LRP1: variants seen among roughly 807,000 people sequenced by gnomAD.
LRP1 encodes LDL receptor related protein 1.
A neutral mutation model predicts 541.5 loss-of-function variants in LRP1; 51 were observed. That is an observed-to-expected ratio of 0.09 (90% confidence interval 0.08 to 0.12). LRP1 has a LOEUF of 0.12. Ranked by LOEUF, LRP1 falls within the 10% of genes least tolerant of loss-of-function variation. The probability of loss-of-function intolerance (pLI) is 1.00; values close to 1 mark genes in which losing one functional copy is unlikely to be tolerated. For synonymous variants in LRP1, 2,219 were observed against 2,470.8 expected, an observed-to-expected ratio of 0.90 and a Z score of 3.02; for missense variants, 3,878 against 6,376.2, an observed-to-expected ratio of 0.61 and a Z score of 13.34.
In LRP1 at chr12:57,212,475, C is replaced by T; in HGVS notation, c.13555C>T (p.His4519Tyr). The change falls in exon 89 of 89, where the codon CAC becomes TAC. Residue 4519 changes from histidine (H) to tyrosine (Y), a missense_variant. His to Tyr is a moderately conservative substitution (Grantham distance 83, BLOSUM62 2). Transcript: ENST00000243077. This position sits in a 1 kb window ranked among gnomAD's most constrained non-coding sequence, Gnocchi z 5.0. ...CTACATGGGGGGCCATGGCAGTCGC[C>T]ACTCCCTGGCCAGCACGGACGAGAA... is the stretch of plus-strand genomic sequence containing the variant. ...TLYMGGHGSRHSLASTDEKRE... is the reference protein window; with the variant it reads ...TLYMGGHGSRYSLASTDEKRE... The T allele has an allele frequency of 6.2e-7, 1 of 1,614,110 alleles. No individual in the cohort carries two copies. Among genetic ancestry groups the T allele is most frequent in the East Asian group, 2.2e-5 (1 of 44,866 alleles).
At chr12:57,200,584 C>T in intron 63 of LRP1, 49 bp downstream of exon 63, 1 of 1,574,720 alleles carries the variant, frequency 6.4e-7, no homozygotes, top group Non-Finnish European at 8.7e-7. Flanking sequence ...GTGTCGGAGG[C>T]CTGACTCCTG....
rs189253682 is a variant in LRP1, at chr12:57,178,812, C to T, written c.4607-78C>T. ...GCTGGAACAGGGGGAGGAGAGTGGG[C>T]GAGGAAGGGGTGGTCCATGTAGGGA... On this transcript the variant is annotated intron_variant, in intron 27 of 88. Transcript: ENST00000243077. The surrounding 1 kb of genome is among the most constrained non-coding windows in gnomAD (Gnocchi z 5.8). 6.6e-5 allele frequency: 101 copies of T among 1,541,776 alleles called. No homozygotes were observed. Among genetic ancestry groups the T allele is most frequent in the Admixed American group, 4.5e-4 (24 of 53,180 alleles).
chr12:57,134,150 T>C (rs1341039181), intron 1 of LRP1, among the ~76,000 whole-genome samples: 1 of 152,190 alleles, frequency 6.6e-6, no homozygotes, highest in Admixed American at 6.5e-5. Context: ...TGGGGCAGGG[T>C]GTTGGCCAAG....
chr12:57,142,844 TG>T (rs781555697), intron 3 of LRP1, among the ~76,000 whole-genome samples: 48 of 152,266 alleles, frequency 3.2e-4, no homozygotes, highest in Non-Finnish European at 5.6e-4. Flanking sequence ...CGCTGGGGCC[TG>T]GCCCCCCATC....
chr12:57,175,816 G>A, intron 23 of LRP1, 93 bp from the exon 24 acceptor site: 1 of 1,569,574 alleles, frequency 6.4e-7, no homozygotes, highest in Non-Finnish European at 8.6e-7. Context: ...CTAGCCCCCA[G>A]TGCCCGGACC....
chr12:57,187,170 A>G (rs2036285956), intron 41 of LRP1, 97 bp from the exon 42 acceptor site: 1 of 1,305,090 alleles, frequency 7.7e-7, no homozygotes, highest in Admixed American at 2.3e-5. Context: ...TTCGCCTTCC[A>G]GCCAGGAGAG....
chr12:57,165,851 T>G lies in LRP1; in HGVS notation c.2577T>G (p.Phe859Leu). ...VPPPQCQPGEFACANSRCIQE... is the reference protein window; with the variant it reads ...VPPPQCQPGELACANSRCIQE... ...CACCCCAGTGCCAGCCAGGCGAGTT[T>G]GCCTGTGCCAACAGCCGCTGCATCC... Residue 859 changes from phenylalanine to leucine, a missense_variant, in exon 16 of 89, where the codon TTT becomes TTG. Phe to Leu is a conservative substitution (Grantham distance 22). This residue lies in a region of LRP1 where 496 missense variants were observed against 861.0 expected (regional missense o/e 0.58). Transcript: ENST00000243077. The surrounding 1 kb of genome is among the most constrained non-coding windows in gnomAD (Gnocchi z 4.5). 6.2e-7 allele frequency: 1 copy of G among 1,614,210 alleles called. No individual in the cohort carries two copies. Among genetic ancestry groups the G allele is most frequent in the Non-Finnish European group, 8.5e-7 (1 of 1,180,036 alleles).
chr12:57,148,818 C>T (rs1278651182), intron 6 of LRP1, among the ~76,000 whole-genome samples: 2 of 152,142 alleles, frequency 1.3e-5, no homozygotes, highest in African/African-American at 4.8e-5. Context: ...CTCAGGGTTC[C>T]CCTCCCTGCA....
At chr12:57,171,933 C>T (rs1171724315) in intron 20 of LRP1, among the ~76,000 whole-genome samples, 1 of 152,138 alleles carries the variant, frequency 6.6e-6, no homozygotes, top group Non-Finnish European at 1.5e-5. Context: ...GTACTGGCTC[C>T]CTGCACCCTT....
At chr12:57,137,995 C>A (rs561892230) in intron 1 of LRP1, among the ~76,000 whole-genome samples, 5 of 152,056 alleles carry the variant, frequency 3.3e-5, no homozygotes, top group Admixed American at 6.5e-5. Context: ...GTCAGGGGAC[C>A]AGGAGTGTCC....
intron 19 of LRP1, among the ~76,000 whole-genome samples, chr12:57,167,842 G>A (rs372138587): frequency 1.1e-4 from 16 of 152,364 alleles, no homozygotes; most frequent in African/African-American, 3.8e-4. Context: ...AGAAACCGGT[G>A]CCTGACTCCT....
chr12:57,128,605 C>A lies in LRP1; in HGVS notation c.-360C>A. 1 of 415,928 alleles carries A rather than the reference C, an allele frequency of 2.4e-6. No homozygotes were observed. Among genetic ancestry groups the A allele is most frequent in the Admixed American group, 4.0e-5 (1 of 25,102 alleles). The allele number at this position is 415,928 out of a possible 1,614,324, so 25.8% of individuals were successfully genotyped here. ...GGCTCCCCTACCCGGTCCACGCCCC[C>A]CACCCCCCCTCCCCGCCTCCTCCCA... On this transcript the variant is annotated 5_prime_UTR_variant, in exon 1 of 89. Transcript: ENST00000243077.
At chr12:57,134,479 T>C (rs1160666386) in intron 1 of LRP1, among the ~76,000 whole-genome samples, 3 of 152,310 alleles carry the variant, frequency 2.0e-5, no homozygotes, top group Admixed American at 6.5e-5. Flanking sequence ...TGAGACACAG[T>C]CTCACTCCAT....
In LRP1 at chr12:57,211,270, G is replaced by C. The variant is rs773814912; in HGVS notation, c.13011G>C (p.Ser4337=). Residue 4337 remains serine (S), a synonymous_variant, in exon 84 of 89, where the codon TCG becomes TCC. Coordinates refer to ENST00000243077, the MANE Select transcript of LRP1 (RefSeq NM_002332.3). The surrounding 1 kb of genome is among the most constrained non-coding windows in gnomAD (Gnocchi z 4.3). ...GCTGCACTGCCTACTTTGAGGGATC[G>C]AGGTGTGAGGTGAACAAGTGCAGCC... The part of the protein sequence containing the change: ...QCRCTAYFEG[S]RCEVNKCSRC... The C allele has an allele frequency of 1.2e-6, 2 of 1,614,082 alleles. No individual in the cohort carries two copies. Among genetic ancestry groups the C allele is most frequent in the East Asian group, 2.2e-5 (1 of 44,900 alleles).
At chr12:57,209,265 C>T in intron 79 of LRP1, 66 bp downstream of exon 79, 1 of 1,279,298 alleles carries the variant, frequency 7.8e-7, no homozygotes, top group Non-Finnish European at 1.1e-6. Context: ...CCCTACTGAG[C>T]CAAAGGCCTC....
chr12:57,144,711 C>T, intron 4 of LRP1: 1 of 510,916 alleles, frequency 2.0e-6, no homozygotes, highest in Admixed American at 3.3e-5. Flanking sequence ...TGATGCACCC[C>T]TGGCACCTGA....
rs1342517319 is a variant in LRP1, at chr12:57,201,146, G to A, written c.10338G>A (p.Arg3446=). 1 of 1,614,090 alleles carries A rather than the reference G, an allele frequency of 6.2e-7. No individual in the cohort carries two copies. Among genetic ancestry groups the A allele is most frequent in the Admixed American group, 1.7e-5 (1 of 60,022 alleles). Residue 3446 remains arginine, a synonymous_variant, in exon 65 of 89, where the codon AGG becomes AGA. Transcript: ENST00000243077. This position sits in a 1 kb window ranked among gnomAD's most constrained non-coding sequence, Gnocchi z 6.4. The part of the protein sequence containing the change: ...QDNCGDGEDE[R]DCPEVTCAPN... Reference sequence around the variant, plus strand: ...ACTGCGGAGATGGGGAGGATGAGAGGGACTGCCGTGAGTGTCAGAGGTGGT... The same window carrying A: ...ACTGCGGAGATGGGGAGGATGAGAGAGACTGCCGTGAGTGTCAGAGGTGGT...
intron 41 of LRP1, 76 bp from the exon 42 acceptor site, chr12:57,187,191 A>C: frequency 1.4e-6 from 2 of 1,468,768 alleles, no homozygotes; most frequent in Non-Finnish European, 1.9e-6. Flanking sequence ...CACCTGCCCC[A>C]GGCTGTCCCC....
At chr12:57,169,480 G>A (rs2035903334) in intron 20 of LRP1, among the ~76,000 whole-genome samples, 173 bp downstream of exon 20, 1 of 152,208 alleles carries the variant, frequency 6.6e-6, no homozygotes, top group Non-Finnish European at 1.5e-5. Flanking sequence ...GGAGAGGGAG[G>A]TTGCCGAAAA....
Sources: gnomAD v4.1 joint callset for allele counts (sites outside exome capture counted in the v4.1 genomes callset) on GRCh38, gnomAD v4.1.1 for gene constraint, gnomAD v4.1.1 regional missense constraint, Gnocchi (gnomAD v3.1) non-coding constraint, MANE v1.5 for transcripts, NCBI Gene and HGNC (gene_info 2026-07-23, HGNC 2026-07-21) for gene names.